ANK3: variants seen among roughly 807,000 people sequenced by gnomAD.
ANK3 encodes the protein ankyrin-3.
In ANK3, 57 loss-of-function variants were observed where a neutral mutation model predicts 370.9. The ratio of observed to expected loss-of-function variants is 0.15; its 90% CI spans 0.12 to 0.19. The LOEUF (loss-of-function observed/expected upper bound fraction) is 0.19, where lower values mean the gene tolerates loss of function less well. ANK3 is among the 10% of genes least tolerant of loss of function. The pLI, the probability that ANK3 is intolerant of heterozygous loss-of-function variation, is 1.00. For missense variants in ANK3, 4,439 were observed against 5,302.1 expected, an observed-to-expected ratio of 0.84 and a Z score of 5.06; for synonymous variants, 1,929 against 1,946.3, an observed-to-expected ratio of 0.99 and a Z score of 0.23.
chr10:60,461,740 C>A (rs2064889221), intron 2 of ANK3, among the ~76,000 whole-genome samples: 1 of 152,274 alleles, frequency 6.6e-6, no homozygotes, highest in East Asian at 1.9e-4. Context: ...GACTCCCCTG[C>A]AAACTCGGAT....
chr10:60,357,958 C>A (rs1438279395), intron 1 of ANK3, among the ~76,000 whole-genome samples: 7 of 152,122 alleles, frequency 4.6e-5, no homozygotes, highest in Non-Finnish European at 8.8e-5. Flanking sequence ...TCATTCTGGG[C>A]TTCTCTTGCC....
chr10:60,543,815 T>G (rs1938524), intron 2 of ANK3, among the ~76,000 whole-genome samples: 1 of 151,832 alleles, frequency 6.6e-6, no homozygotes, highest in South Asian at 2.1e-4. Flanking sequence ...TGTCAAAACC[T>G]TCAAAGTTTA....
chr10:60,132,907 T>C (rs1345206836), intron 25 of ANK3, among the ~76,000 whole-genome samples: 1 of 152,164 alleles, frequency 6.6e-6, no homozygotes, highest in Non-Finnish European at 1.5e-5. Context: ...TGACCCACCA[T>C]GCCCAGCCTA....
intron 2 of ANK3, among the ~76,000 whole-genome samples, chr10:60,544,869 A>G (rs983624224): frequency 2.2e-4 from 34 of 151,984 alleles, no homozygotes; most frequent in Non-Finnish European, 4.4e-4. Context: ...AAATCCATTT[A>G]AAATCCCCAA....
intron 1 of ANK3, among the ~76,000 whole-genome samples, chr10:60,647,054 T>A (rs2078718251): frequency 6.6e-6 from 1 of 152,180 alleles, no homozygotes; most frequent in African/African-American, 2.4e-5. Flanking sequence ...GAAAGCACAA[T>A]AACAATAACA....
chr10:60,263,378 G>A (rs1017266622), intron 6 of ANK3, among the ~76,000 whole-genome samples: 3 of 152,178 alleles, frequency 2.0e-5, no homozygotes, highest in Non-Finnish European at 4.4e-5. Flanking sequence ...ATGTCAAGAC[G>A]ATGGGAATTT....
At chr10:60,601,463 C>T (rs1327395892) in intron 2 of ANK3, among the ~76,000 whole-genome samples, 2 of 152,150 alleles carry the variant, frequency 1.3e-5, no homozygotes, top group South Asian at 4.1e-4. Context: ...GTCAAGCTCC[C>T]AAGACCCATA....
Position 60,407,412 on chromosome 10 carries a change from C to T in ANK3, c.97-127773G>A, listed in dbSNP as rs77148815. Among the ~76,000 whole-genome samples, 32 of 152,276 alleles carry T rather than the reference C, an allele frequency of 2.1e-4. No individual in the cohort carries two copies. In the East Asian group the frequency reaches 6.2e-3, roughly 29 times the overall value. On this transcript the variant is annotated intron_variant, in intron 2 of 43. Transcript: ENST00000373827. ...GGATGCAAATTATCCAACCATTTCT[C>T]ACTTAATTAATATATCATTGGACAA...
At chr10:60,159,930 G>A (rs762501011) in intron 23 of ANK3, among the ~76,000 whole-genome samples, 5 of 152,008 alleles carry the variant, frequency 3.3e-5, no homozygotes, top group Non-Finnish European at 7.4e-5. Flanking sequence ...AGTACTAAAA[G>A]AGCAGTTAAT....
intron 18 of ANK3, among the ~76,000 whole-genome samples, chr10:60,180,594 C>CAAAAAAAAAAAAAAAAAAAA (rs58386273): frequency 1.6e-5 from 1 of 63,426 alleles, no homozygotes; most frequent in Non-Finnish European, 2.7e-5. Flanking sequence ...GACTCCGTCT[C>CAAAAAAAAAAAAAAAAAAAA]AAAAAAAAAA....
chr10:60,237,000 T>C (rs1592214717), intron 7 of ANK3, among the ~76,000 whole-genome samples: 1 of 152,244 alleles, frequency 6.6e-6, no homozygotes, highest in African/African-American at 2.4e-5. Flanking sequence ...GCGCTGGATT[T>C]GGCCTGTGGG....
At position 60,036,422 on chromosome 10, in the gene ANK3, A is replaced by ATTTTTTTTTTTT. The variant is rs563946588; in HGVS notation, c.*19+6238_*19+6249dup. On this transcript the variant is annotated intron_variant, in intron 43 of 43. Coordinates refer to ENST00000280772, the MANE Select transcript of ANK3 (RefSeq NM_020987.5). ...CTGCGGAAGAGAGAGGTCAGAGGCA[A>ATTTTTTTTTTTT]TTTTTTTTTTTTTTTTTTTTTTTTT... 1.3e-3 allele frequency among the ~76,000 whole-genome samples: 94 copies of ATTTTTTTTTTTT among 72,288 alleles called. 11 individuals are homozygous for ATTTTTTTTTTTT. The highest frequency in any genetic ancestry group is 2.7e-3 in the African/African-American group (39 of 14,242). 47.4% of individuals were successfully genotyped at this position (72,288 alleles called of 152,430 possible).
intron 1 of ANK3, among the ~76,000 whole-genome samples, chr10:60,299,369 T>G (rs533584037): frequency 2.6e-4 from 40 of 152,322 alleles, no homozygotes; most frequent in African/African-American, 9.6e-4. Flanking sequence ...GACAGCTGTT[T>G]TCTCAAAACC....
intron 1 of ANK3, among the ~76,000 whole-genome samples, chr10:60,652,869 G>T (rs1454939457): frequency 1.3e-5 from 2 of 152,104 alleles, no homozygotes; most frequent in Non-Finnish European, 2.9e-5. Context: ...AGACCAGATA[G>T]GAGGTGGAGT....
intron 2 of ANK3, among the ~76,000 whole-genome samples, chr10:60,478,566 G>A (rs1180390076): frequency 1.3e-5 from 2 of 151,962 alleles, no homozygotes; most frequent in Non-Finnish European, 2.9e-5. Context: ...TTATTGCTGA[G>A]AACAAAGAAA....
chr10:60,528,545 A>T (rs1356957428), intron 2 of ANK3, among the ~76,000 whole-genome samples: 1 of 152,214 alleles, frequency 6.6e-6, no homozygotes, highest in Non-Finnish European at 1.5e-5. Context: ...ACAAACCAAA[A>T]TATTTGCAGT....
chr10:60,037,502 G>A (rs182443781), intron 43 of ANK3, among the ~76,000 whole-genome samples: 1 of 152,030 alleles, frequency 6.6e-6, no homozygotes, highest in African/African-American at 2.4e-5. Context: ...GTGTCCATGT[G>A]TTCTCATCAT....
intron 17 of ANK3, chr10:60,186,505 A>G (rs963265462): frequency 4.7e-6 from 3 of 636,396 alleles, no homozygotes; most frequent in Non-Finnish European, 8.6e-6. Flanking sequence ...CCTGAGCCAG[A>G]GCAACTGGCG....
In ANK3 at chr10:60,166,627, G is replaced by A. The variant is rs746450152; in HGVS notation, c.2578C>T (p.Leu860Phe). The change falls in exon 23 of 44, where the codon CTC (leucine) becomes TTC (phenylalanine). Residue 860 changes from leucine (L) to phenylalanine (F), a missense_variant. Physicochemically the swap from Leu to Phe is conservative, Grantham distance 22. This residue lies in a region of ANK3 where 702 missense variants were observed against 941.5 expected (regional missense o/e 0.75). Coordinates refer to ENST00000280772, the MANE Select transcript of ANK3 (RefSeq NM_020987.5). ...EVRKANAPEM[L>F]SDGEYISDVE... ...TCTGAGATATATTCGCCATCACTGA[G>A]CATTTCAGGGGCATTGGCTTTACGA... 56 of 1,613,670 alleles carry A rather than the reference G, an allele frequency of 3.5e-5. No individual in the cohort carries two copies. Among genetic ancestry groups the A allele is most frequent in the Non-Finnish European group, 4.6e-5 (54 of 1,179,838 alleles).
Sources: gnomAD v4.1 joint callset for allele counts (sites outside exome capture counted in the v4.1 genomes callset) on GRCh38, gnomAD v4.1.1 for gene constraint, gnomAD v4.1.1 regional missense constraint, MANE v1.5 for transcripts, NCBI Gene and HGNC (gene_info 2026-07-23, HGNC 2026-07-21) for gene names.